Variants in UNC13B observed in about 807,000 individuals in gnomAD.
The protein encoded by UNC13B is protein unc-13 homolog B.
A neutral mutation model predicts 211.0 loss-of-function variants in UNC13B; 144 were observed. That is an observed-to-expected ratio of 0.68 (90% CI 0.60 to 0.78). The LOEUF is 0.78. Among genes scored for constraint, UNC13B ranks in the 30% least tolerant of loss-of-function variants. The pLI is 0.00. For missense variants in UNC13B, 1,777 were observed against 2,002.0 expected, an observed-to-expected ratio of 0.89 and a Z score of 2.14; for synonymous variants, 709 against 725.8, an observed-to-expected ratio of 0.98 and a Z score of 0.37.
intron 11 of UNC13B, among the ~76,000 whole-genome samples, chr9:35,333,549 C>A (rs563147275): frequency 5.3e-5 from 8 of 152,304 alleles, no homozygotes; most frequent in African/African-American, 1.7e-4. Context: ...CCAACGCCTT[C>A]CTCCTTCTCC....
chr9:35,370,310 C>G lies in UNC13B; in HGVS notation c.9462-8C>G. The stretch of plus-strand genomic sequence containing the variant: ...TGACGGTCCTGACATATTTTCTTCT[C>G]TCCTCAGGCCAGCCGGAGGGCTCTA... On this transcript the variant is annotated splice_region_variant and splice_polypyrimidine_tract_variant and intron_variant, in intron 12 of 39. Transcript: ENST00000635942. 6.2e-7 allele frequency: 1 copy of G among 1,613,392 alleles called. No individual in the cohort carries two copies. The highest frequency in any genetic ancestry group is 8.5e-7 in the Non-Finnish European group (1 of 1,179,646).
At chr9:35,223,344 A>G (rs879642848) in intron 1 of UNC13B, among the ~76,000 whole-genome samples, 7 of 152,116 alleles carry the variant, frequency 4.6e-5, no homozygotes, top group Non-Finnish European at 7.4e-5. Context: ...CTCTCCATCC[A>G]GGCCAGCATC....
chr9:35,207,051 A>G (rs548174697), intron 1 of UNC13B, among the ~76,000 whole-genome samples: 3 of 152,106 alleles, frequency 2.0e-5, no homozygotes, highest in Non-Finnish European at 2.9e-5. Flanking sequence ...TGTGTGCACT[A>G]TTTTTCAAAG....
chr9:35,165,629 G>A (rs1252145497), intron 1 of UNC13B, among the ~76,000 whole-genome samples: 1 of 151,858 alleles, frequency 6.6e-6, no homozygotes, highest in South Asian at 2.1e-4. Flanking sequence ...ATGTTGGCCA[G>A]GCTGGTCTCA....
intron 11 of UNC13B, among the ~76,000 whole-genome samples, chr9:35,343,139 G>T (rs1832119980): frequency 6.6e-6 from 1 of 152,200 alleles, no homozygotes; most frequent in Admixed American, 6.5e-5. Flanking sequence ...GCTATACTCA[G>T]TGACCTTGGT....
In UNC13B at chr9:35,305,076, A is replaced by C. The variant is rs1362053790; in HGVS notation, c.5672A>C (p.His1891Pro). ...DSISVSPAPQ[H>P]SGDERENYEL... Reference sequence around the variant, plus strand: ...ATTTCAGTTTCTCCTGCACCTCAGCATAGTGGGGATGAGCGTGAGAATTAT... The same window carrying C: ...ATTTCAGTTTCTCCTGCACCTCAGCCTAGTGGGGATGAGCGTGAGAATTAT... The change falls in exon 9 of 40, where the codon CAT (histidine) becomes CCT (proline). Residue 1891 changes from histidine to proline, a missense_variant. By Grantham distance (77) the His-to-Pro change is moderately conservative (BLOSUM62 -2). Transcript: ENST00000635942. The C allele has an allele frequency of 2.5e-6, 1 of 398,854 alleles. No individual in the cohort carries two copies. The highest frequency in any genetic ancestry group is 2.1e-5 in the African/African-American group (1 of 48,624). 24.7% of individuals were successfully genotyped at this position (398,854 alleles called of 1,614,324 possible). A position where few individuals can be genotyped will look rare whatever the true frequency, so the allele number is the denominator to read the frequency against.
rs1829839397 is a variant in UNC13B at position 35,304,580 on chromosome 9, G to C, written c.5176G>C (p.Val1726Leu). Residue 1726 changes from valine to leucine, a missense_variant, in exon 9 of 40, where the codon GTT becomes CTT. Physicochemically the swap from Val to Leu is conservative, Grantham distance 32. Coordinates refer to ENST00000635942, the MANE Select transcript of UNC13B (RefSeq NM_001371189.2). ...FHWLQSSVEE[V>L]TTLVHPENMT... ...TTGGCTTCAGTCTTCTGTTGAAGAA[G>C]TTACCACTTTGGTTCATCCTGAAAA... 2.5e-6 allele frequency: 1 copy of C among 398,634 alleles called. No individual in the cohort carries two copies. The highest frequency in any genetic ancestry group is 1.3e-4 in the South Asian group (1 of 7,852). The allele number at this position is 398,634 out of a possible 1,614,324, so 24.7% of individuals were successfully genotyped here. A position where few individuals can be genotyped will look rare whatever the true frequency, so the allele number is the denominator to read the frequency against.
At chr9:35,209,255 G>A (rs1452175404) in intron 1 of UNC13B, among the ~76,000 whole-genome samples, 1 of 152,042 alleles carries the variant, frequency 6.6e-6, no homozygotes, top group Non-Finnish European at 1.5e-5. Context: ...GTAGAGATGG[G>A]GTTTTACCAT....
chr9:35,366,823 C>A, intron 11 of UNC13B, 124 bp from the exon 12 acceptor site: 1 of 779,458 alleles, frequency 1.3e-6, no homozygotes, highest in Non-Finnish European at 2.2e-6. Flanking sequence ...GTCAGACAGG[C>A]TGTCACCACA....
rs868658392 is a variant in UNC13B, at chr9:35,383,867, T to C, written c.10807-379T>C. On this transcript the variant is annotated intron_variant, in intron 21 of 39. Coordinates refer to ENST00000635942, the MANE Select transcript of UNC13B (RefSeq NM_001371189.2). ...CGAGATAAGTCAGGAGACCTCAGAC[T>C]CAAGAGAGAATGTGTTTGGAGTTTC... Among the ~76,000 whole-genome samples, 10 of 152,172 alleles carry C rather than the reference T, an allele frequency of 6.6e-5. 1 individual carries two copies. The highest frequency in any genetic ancestry group is 6.2e-4 in the South Asian group (3 of 4,802).
chr9:35,255,511 C>T (rs927792644), intron 6 of UNC13B, among the ~76,000 whole-genome samples: 9 of 152,004 alleles, frequency 5.9e-5, no homozygotes, highest in South Asian at 2.1e-4. Flanking sequence ...CTGGAGCATT[C>T]GGGCATCAGA....
chr9:35,189,802 T>C (rs1822554593), intron 1 of UNC13B, among the ~76,000 whole-genome samples: 1 of 152,162 alleles, frequency 6.6e-6, no homozygotes, highest in African/African-American at 2.4e-5. Flanking sequence ...CCTGAGTAGC[T>C]GGGATTACAA....
intron 6 of UNC13B, among the ~76,000 whole-genome samples, chr9:35,255,603 G>T (rs1826834400): frequency 6.6e-6 from 1 of 152,156 alleles, no homozygotes; most frequent in East Asian, 1.9e-4. Context: ...ATCATAGCAG[G>T]TAGAAGTGAG....
intron 18 of UNC13B, among the ~76,000 whole-genome samples, 164 bp from the exon 19 acceptor site, chr9:35,380,936 G>A (rs1228412056): frequency 6.6e-6 from 1 of 151,970 alleles, no homozygotes; most frequent in Non-Finnish European, 1.5e-5. Context: ...GGTACTTGTG[G>A]AATATGTGGT....
chr9:35,322,607 C>T (rs553527418), intron 11 of UNC13B, among the ~76,000 whole-genome samples: 8 of 152,222 alleles, frequency 5.3e-5, no homozygotes, highest in Middle Eastern at 3.4e-3. Context: ...GAGAACGAAT[C>T]GAAACTCTTC....
At chr9:35,274,818 G>A (rs1828082065) in intron 7 of UNC13B, among the ~76,000 whole-genome samples, 1 of 152,082 alleles carries the variant, frequency 6.6e-6, no homozygotes, top group Non-Finnish European at 1.5e-5. Context: ...ACACCAGCTG[G>A]CCTTTGGCTG....
At chr9:35,202,099 A>G (rs1452570232) in intron 1 of UNC13B, among the ~76,000 whole-genome samples, 1 of 152,204 alleles carries the variant, frequency 6.6e-6, no homozygotes, top group Non-Finnish European at 1.5e-5. Flanking sequence ...TTATGCATCC[A>G]GTAGTCATTC....
At chr9:35,344,461 C>T (rs1264847458) in intron 11 of UNC13B, among the ~76,000 whole-genome samples, 2 of 152,206 alleles carry the variant, frequency 1.3e-5, no homozygotes, top group Admixed American at 1.3e-4. Context: ...TCTAATTCGG[C>T]TCTGCCATCA....
intron 1 of UNC13B, among the ~76,000 whole-genome samples, chr9:35,194,022 G>A (rs1822804281): frequency 1.3e-5 from 2 of 152,186 alleles, no homozygotes; most frequent in South Asian, 4.2e-4. Flanking sequence ...ACCTGGAAAT[G>A]CCACGTGCTC....
Sources: gnomAD v4.1 joint callset for allele counts (sites outside exome capture counted in the v4.1 genomes callset) on GRCh38, gnomAD v4.1.1 for gene constraint, MANE v1.5 for transcripts, NCBI Gene and HGNC (gene_info 2026-07-23, HGNC 2026-07-21) for gene names.